Variants in KIAA1671 observed in about 807,000 individuals in gnomAD.
KIAA1671 encodes the protein KIAA1671.
In KIAA1671, 52 loss-of-function variants were observed where a neutral mutation model predicts 131.2. The observed-to-expected ratio is 0.40, with a 90% confidence interval of 0.32 to 0.50. The LOEUF (loss-of-function observed/expected upper bound fraction) is 0.50, where lower values mean the gene tolerates loss of function less well. Ranked by LOEUF, KIAA1671 falls within the 20% of genes least tolerant of loss-of-function variation. The probability of loss-of-function intolerance (pLI) is 0.73; values close to 1 mark genes in which losing one functional copy is unlikely to be tolerated. For missense variants in KIAA1671, 2,360 were observed against 2,364.2 expected (o/e 1.00, Z 0.04); for synonymous variants, 1,003 against 961.6 (o/e 1.04, Z -0.80).
chr22:25,015,301 G>A lies in KIAA1671; in HGVS notation c.-207-10332G>A, dbSNP rs554057336. 4.0e-5 allele frequency among the ~76,000 whole-genome samples: 6 copies of A among 151,094 alleles called. No homozygotes were observed. The South Asian group carries it at 1.3e-3, about 32-fold the overall frequency. On this transcript the variant is annotated intron_variant, in intron 1 of 12. Coordinates refer to ENST00000358431, the MANE Select transcript of KIAA1671 (RefSeq NM_001145206.2). ...TATGTAAATAAATGGCTGTGGGTGTGTTCCAATAAAACTTTATTTGCAAAA... is the reference window on the plus strand; with the variant it reads ...TATGTAAATAAATGGCTGTGGGTGTATTCCAATAAAACTTTATTTGCAAAA...
rs947782086 is a variant in KIAA1671 at position 25,033,251 on chromosome 22, C to T, written c.1629+555C>T. The stretch of plus-strand genomic sequence containing the variant: ...GAAAAAAAAAATTTTTTTTAATTAG[C>T]CAGATGTGGTTGTGCATGCCTATAG... On this transcript the variant is annotated intron_variant, in intron 4 of 12. Transcript: ENST00000358431. 3.0e-4 allele frequency among the ~76,000 whole-genome samples: 45 copies of T among 151,966 alleles called. No individual in the cohort carries two copies. The East Asian group carries it at 6.0e-3, about 20-fold the overall frequency.
intron 6 of KIAA1671, among the ~76,000 whole-genome samples, chr22:25,131,012 A>G (rs1932419081): frequency 6.6e-6 from 1 of 152,254 alleles, no homozygotes; most frequent in African/African-American, 2.4e-5. Flanking sequence ...AAAATGGAAA[A>G]GAAAGTAGAA....
chr22:25,118,374 C>T (rs1169739033), intron 6 of KIAA1671, among the ~76,000 whole-genome samples: 1 of 152,038 alleles, frequency 6.6e-6, no homozygotes, highest in South Asian at 2.1e-4. Flanking sequence ...TCCTGGATTA[C>T]CTAGGATGAT....
chr22:25,026,065 C>G (rs1301480632), intron 2 of KIAA1671, among the ~76,000 whole-genome samples: 1 of 152,194 alleles, frequency 6.6e-6, no homozygotes, highest in African/African-American at 2.4e-5. Flanking sequence ...TTCTCAGATT[C>G]TTCATATCTG....
At chr22:25,000,577 C>T (rs1035610088) in intron 1 of KIAA1671, among the ~76,000 whole-genome samples, 20 of 147,406 alleles carry the variant, frequency 1.4e-4, no homozygotes, top group Admixed American at 4.1e-4. Flanking sequence ...AGTTCAGTGG[C>T]GCAGTCTTGG....
intron 6 of KIAA1671, among the ~76,000 whole-genome samples, chr22:25,104,194 G>A (rs1930864008): frequency 6.6e-6 from 1 of 151,804 alleles, no homozygotes; most frequent in Middle Eastern, 3.4e-3. Flanking sequence ...GGCCAGGCTG[G>A]TCTCGAACTC....
intron 6 of KIAA1671, among the ~76,000 whole-genome samples, chr22:25,105,342 C>A (rs542222123): frequency 6.6e-6 from 1 of 152,274 alleles, no homozygotes; most frequent in Admixed American, 6.5e-5. Flanking sequence ...TTTCTGAAAT[C>A]ACACGTGATT....
At chr22:25,004,274 C>G (rs1924627065) in intron 1 of KIAA1671, among the ~76,000 whole-genome samples, 1 of 152,038 alleles carries the variant, frequency 6.6e-6, no homozygotes, top group Admixed American at 6.6e-5. Flanking sequence ...CACCACCACG[C>G]CTGGCTAATT....
intron 6 of KIAA1671, among the ~76,000 whole-genome samples, chr22:25,079,055 A>G (rs1177684130): frequency 2.6e-5 from 4 of 152,144 alleles, no homozygotes; most frequent in Non-Finnish European, 4.4e-5. Flanking sequence ...GGACTCAGTG[A>G]GGCGATGCAA....
At chr22:25,161,381 T>A (rs1933438571) in intron 6 of KIAA1671, among the ~76,000 whole-genome samples, 1 of 152,212 alleles carries the variant, frequency 6.6e-6, no homozygotes, top group South Asian at 2.1e-4. Flanking sequence ...GGAGCTGACA[T>A]CAGTGTGCCA....
chr22:25,059,577 C>G (rs1340566828), intron 6 of KIAA1671: 4 of 152,044 alleles, frequency 2.6e-5, no homozygotes, highest in African/African-American at 7.3e-5. Context: ...GCACAACAAA[C>G]TAACCCGACA....
At chr22:25,123,578 TGAG>T (rs1314428805) in intron 6 of KIAA1671, among the ~76,000 whole-genome samples, 1 of 152,120 alleles carries the variant, frequency 6.6e-6, no homozygotes, top group African/African-American at 2.4e-5. Flanking sequence ...TGCTGTGTCT[TGAG>T]GACCCTCAAG....
intron 6 of KIAA1671, among the ~76,000 whole-genome samples, chr22:25,167,600 T>A (rs1933688272): frequency 6.6e-6 from 1 of 152,168 alleles, no homozygotes; most frequent in Admixed American, 6.5e-5. Flanking sequence ...AATGTATTCT[T>A]TGTGATTTTC....
At chr22:25,152,720 A>G (rs765314954) in intron 6 of KIAA1671, among the ~76,000 whole-genome samples, 14 of 152,260 alleles carry the variant, frequency 9.2e-5, no homozygotes, top group Middle Eastern at 3.4e-3. Context: ...CTCCTGCCTC[A>G]GCCTCCTGAG....
At chr22:25,188,454 G>C (rs1479535937) in intron 11 of KIAA1671, among the ~76,000 whole-genome samples, 1 of 118,196 alleles carries the variant, frequency 8.5e-6, no homozygotes, top group African/African-American at 6.5e-5. Flanking sequence ...TCGGGTGTGT[G>C]TGTGTGTGTG....
At chr22:25,093,750 C>CTG (rs1568951040) in intron 6 of KIAA1671, among the ~76,000 whole-genome samples, 2 of 119,044 alleles carry the variant, frequency 1.7e-5, no homozygotes, top group African/African-American at 6.7e-5. Context: ...CTCTCTCTCT[C>CTG]TCTCTCTCTC....
chr22:25,196,901 C>A lies in KIAA1671; in HGVS notation c.*4500C>A, dbSNP rs975258831. 10 of 152,090 alleles carry A rather than the reference C, an allele frequency of 6.6e-5. No homozygotes were observed. The highest frequency in any genetic ancestry group is 3.2e-3 in the Middle Eastern group (1 of 314). 9.4% of individuals were successfully genotyped at this position (152,090 alleles called of 1,614,324 possible). A position where few individuals can be genotyped will look rare whatever the true frequency, so the allele number is the denominator to read the frequency against. ...CATGCACTTCCCAGATGATCGTGAT[C>A]CTCCAAATGCTTTGTAAGATGGGGC... On this transcript the variant is annotated 3_prime_UTR_variant, in exon 13 of 13. Transcript: ENST00000358431.
intron 1 of KIAA1671, among the ~76,000 whole-genome samples, chr22:24,993,600 A>T (rs1201966848): frequency 6.6e-6 from 1 of 152,056 alleles, no homozygotes; most frequent in Non-Finnish European, 1.5e-5. Context: ...GTCACATGCT[A>T]CTGTCTTTGT....
At chr22:24,970,730 T>A (rs1162876103) in intron 1 of KIAA1671, among the ~76,000 whole-genome samples, 2 of 137,404 alleles carry the variant, frequency 1.5e-5, no homozygotes, top group African/African-American at 5.4e-5. Flanking sequence ...GTTGATGAGC[T>A]AAAAAAAAAA....
Sources: allele counts gnomAD v4.1 joint callset (sites outside exome capture counted in the v4.1 genomes callset), GRCh38; gene constraint gnomAD v4.1.1; transcripts MANE v1.5; gene names NCBI Gene and HGNC (gene_info 2026-07-23, HGNC 2026-07-21).